NDRG2: variants seen among roughly 807,000 people sequenced by gnomAD.
NDRG2 encodes NDRG family member 2, also known as protein NDRG2.
In NDRG2, 34 loss-of-function variants were observed where a neutral mutation model predicts 58.2. The ratio of observed to expected loss-of-function variants is 0.58; its 90% confidence interval spans 0.44 to 0.78. The LOEUF (loss-of-function observed/expected upper bound fraction) is 0.78. NDRG2 is among the 30% of genes least tolerant of loss of function. The pLI, the probability that NDRG2 is intolerant of heterozygous loss-of-function variation, is 0.00. For synonymous variants in NDRG2, 187 were observed against 175.9 expected (o/e 1.06, Z -0.50); for missense variants, 434 against 471.2 (o/e 0.92, Z 0.73).
At chr14:21,046,138 T>C (rs1041938350) in intron 1 of NDRG2, among the ~76,000 whole-genome samples, 7 of 152,240 alleles carry the variant, frequency 4.6e-5, no homozygotes, top group African/African-American at 1.7e-4. Flanking sequence ...AAATCATAGA[T>C]AGAATTATGA....
rs747046310 is a variant in NDRG2 at position 21,019,137 on chromosome 14, C to T, written c.740G>A (p.Arg247His). ...TTACCTGAGGGTGATATCACCTCCA[C>T]GCTCAAAGTTCAGGTCTCGGCGGCT... ...YNNRRDLNFE[R>H]GGDITLRCPV... The change falls in exon 11 of 16, where the codon CGT (arginine) becomes CAT (histidine). Residue 247 changes from arginine to histidine, a missense_variant. Transcript: ENST00000556147. 9.3e-6 allele frequency: 15 copies of T among 1,610,896 alleles called. No individual in the cohort carries two copies. The highest frequency in any genetic ancestry group is 1.6e-4 in the Middle Eastern group (1 of 6,068).
At chr14:21,018,915 A>T in intron 11 of NDRG2, 101 bp from the exon 12 acceptor site, 2 of 1,482,442 alleles carry the variant, frequency 1.3e-6, no homozygotes, top group South Asian at 2.4e-5. Flanking sequence ...TCCAAAGAGG[A>T]AAGACACTTC....
rs1255173674 is a variant in NDRG2 at position 21,070,680 on chromosome 14, C to G, written c.24+148G>C. On this transcript the variant is annotated intron_variant, in intron 1 of 14. Transcript: ENST00000403829. The surrounding 1 kb of genome is among the most constrained non-coding windows in gnomAD (Gnocchi z 4.7). ...CCTAATCCACACACCTCCCCGCTCCCCGCCCTCCTCTGTCCTGACCTGTGC... is the reference window on the plus strand; with the variant it reads ...CCTAATCCACACACCTCCCCGCTCCGCGCCCTCCTCTGTCCTGACCTGTGC... 1 of 954,322 alleles carries G rather than the reference C, an allele frequency of 1.0e-6. No individual in the cohort carries two copies. Among genetic ancestry groups the G allele is most frequent in the Non-Finnish European group, 1.5e-6 (1 of 645,478 alleles). The allele number at this position is 954,322 out of a possible 1,614,324, so 59.1% of individuals were successfully genotyped here. A position where few individuals can be genotyped will look rare whatever the true frequency, so the allele number is the denominator to read the frequency against.
At position 21,022,399 on chromosome 14, in the gene NDRG2, T is replaced by C; in HGVS notation, c.216A>G (p.Gly72=). 1 of 1,613,040 alleles carries C rather than the reference T, an allele frequency of 6.2e-7. No homozygotes were observed. Among genetic ancestry groups the C allele is most frequent in the Non-Finnish European group, 8.5e-7 (1 of 1,179,108 alleles). ...RPAILTYHDV[G]LNYKSCFQPL... ...ATGAATGAAGGTCCTTACAGTTGAG[T>C]CCCACATCGTGGTAGGTAAGGATCG... Residue 72 remains glycine (G), a synonymous_variant, in exon 4 of 16, where the codon GGA becomes GGG. Coordinates refer to ENST00000556147, the MANE Select transcript of NDRG2 (RefSeq NM_001320329.2).
At chr14:21,054,515 A>G (rs984136802) in intron 1 of NDRG2, among the ~76,000 whole-genome samples, 3 of 152,180 alleles carry the variant, frequency 2.0e-5, no homozygotes, top group Admixed American at 1.3e-4. Flanking sequence ...AGCCCACAAG[A>G]GGAGGAAATG....
upstream of NDRG2, chr14:21,030,613 G>A (rs755481736): frequency 1.0e-4 from 162 of 1,613,626 alleles, no homozygotes; most frequent in East Asian, 1.3e-4. Context: ...ACATTCCATC[G>A]GTTTGCTGCG....
At chr14:21,062,215 C>T (rs1292758332) in intron 1 of NDRG2, among the ~76,000 whole-genome samples, 1 of 152,230 alleles carries the variant, frequency 6.6e-6, no homozygotes, top group African/African-American at 2.4e-5. Flanking sequence ...CTCACATTGA[C>T]ACTACAAGAC....
intron 1 of NDRG2, among the ~76,000 whole-genome samples, chr14:21,046,549 AC>A (rs1885160294): frequency 1.1e-5 from 1 of 94,016 alleles, no homozygotes; most frequent in South Asian, 4.2e-4. Context: ...ACAAATACAT[AC>A]ATACATACAT....
chr14:21,045,992 G>GA (rs1045057282), intron 1 of NDRG2, among the ~76,000 whole-genome samples: 4 of 151,644 alleles, frequency 2.6e-5, no homozygotes, highest in East Asian at 1.9e-4. Flanking sequence ...AAATAAATAA[G>GA]AAAAAAAGAT....
Position 21,070,446 on chromosome 14 carries a change from G to T in NDRG2, c.24+382C>A, listed in dbSNP as rs1025811807. The T allele has an allele frequency of 2.9e-6, 4 of 1,360,652 alleles. No individual in the cohort carries two copies. The African/African-American group carries it at 6.1e-5, about 21-fold the overall frequency. 84.3% of individuals were successfully genotyped at this position (1,360,652 alleles called of 1,614,324 possible). A position where few individuals can be genotyped will look rare whatever the true frequency, so the allele number is the denominator to read the frequency against. On this transcript the variant is annotated intron_variant, in intron 1 of 14. Coordinates refer to the NDRG2 transcript ENST00000403829. The surrounding 1 kb of genome is among the most constrained non-coding windows in gnomAD (Gnocchi z 4.7). Reference sequence around the variant, plus strand: ...CCTGGGTCCCCTCGGCCTTCGCGCAGCCCGCTCCGGGCCCCCAAGTCCTCA... The same window carrying T: ...CCTGGGTCCCCTCGGCCTTCGCGCATCCCGCTCCGGGCCCCCAAGTCCTCA...
Position 21,068,449 on chromosome 14 carries a change from T to TC in NDRG2, c.24+2378dup, listed in dbSNP as rs560354298. ...GACAACCTTGGACCCTACCAAGTGTTCCCTAAACAATTTGCTGCAGTTTAA... is the reference window on the plus strand; with the variant it reads ...GACAACCTTGGACCCTACCAAGTGTTCCCCTAAACAATTTGCTGCAGTTTAA... On this transcript the variant is annotated intron_variant, in intron 1 of 14. Transcript: ENST00000403829. 7.9e-5 allele frequency among the ~76,000 whole-genome samples: 12 copies of TC among 152,284 alleles called. No individual in the cohort carries two copies. The East Asian group carries it at 2.1e-3, about 27-fold the overall frequency.
At position 21,017,757 on chromosome 14, in the gene NDRG2, A is replaced by C. The variant is rs2138812944; in HGVS notation, c.955T>G (p.Ser319Ala). The C allele has an allele frequency of 6.2e-7, 1 of 1,600,518 alleles. No homozygotes were observed. Among genetic ancestry groups the C allele is most frequent in the Non-Finnish European group, 8.5e-7 (1 of 1,173,216 alleles). The change falls in exon 16 of 16, where the codon TCA (serine) becomes GCA (alanine). Residue 319 changes from serine (S) to alanine (A), a missense_variant. Transcript: ENST00000556147. The stretch of plus-strand genomic sequence containing the variant: ...CGGGACAGGCGAGTCATGCAGGATG[A>C]GGCCACTGTGGAGACAGCACGATGC... ...YFLQGMGYMA[S>A]SCMTRLSRSR...
At chr14:21,034,157 G>C in intron 1 of NDRG2, 1 of 1,614,148 alleles carries the variant, frequency 6.2e-7, no homozygotes. Context: ...AACCCTTTGG[G>C]TAGTTAACCC....
intron 1 of NDRG2, among the ~76,000 whole-genome samples, chr14:21,050,054 T>A (rs1049931799): frequency 5.9e-5 from 9 of 152,196 alleles, no homozygotes; most frequent in Non-Finnish European, 4.4e-5. Flanking sequence ...GGATTACAGG[T>A]GAGCCACTGT....
At chr14:21,039,675 G>A (rs1307940258) in intron 1 of NDRG2, among the ~76,000 whole-genome samples, 1 of 152,150 alleles carries the variant, frequency 6.6e-6, no homozygotes, top group Non-Finnish European at 1.5e-5. Context: ...AAATAATTGA[G>A]GCAAAACAAA....
upstream of NDRG2, chr14:21,030,812 C>A: frequency 6.3e-7 from 1 of 1,586,872 alleles, no homozygotes; most frequent in Non-Finnish European, 8.6e-7. Context: ...TAGTTGGCCA[C>A]GGAAGGGTTC....
chr14:21,059,519 G>A (rs1449306942), intron 1 of NDRG2, among the ~76,000 whole-genome samples: 4 of 151,436 alleles, frequency 2.6e-5, no homozygotes, highest in African/African-American at 4.9e-5. Flanking sequence ...TTTTGAGACA[G>A]GGTCTCACTC....
At chr14:21,039,765 T>C (rs570256945) in intron 1 of NDRG2, among the ~76,000 whole-genome samples, 85 of 152,320 alleles carry the variant, frequency 5.6e-4, no homozygotes, top group African/African-American at 1.9e-3. Flanking sequence ...TACTCTCTTT[T>C]CCCTTTGGAC....
chr14:21,033,480 T>A, intron 1 of NDRG2: 1 of 350,430 alleles, frequency 2.9e-6, no homozygotes. Context: ...GCTGAGGCCC[T>A]GGGCCTCCAT....
Sources: allele counts gnomAD v4.1 joint callset (sites outside exome capture counted in the v4.1 genomes callset), GRCh38; gene constraint gnomAD v4.1.1; non-coding constraint Gnocchi (gnomAD v3.1); transcripts MANE v1.5; gene names NCBI Gene and HGNC (gene_info 2026-07-23, HGNC 2026-07-21).